Variants in NEGR1 observed in about 807,000 individuals in gnomAD.
The protein encoded by NEGR1 is neuronal growth regulator 1.
In NEGR1, 10 loss-of-function variants were observed where a neutral mutation model predicts 40.9. The observed-to-expected ratio is 0.24, with a 90% CI of 0.15 to 0.42. The LOEUF is 0.42. Ranked by LOEUF, NEGR1 falls within the 10% of genes least tolerant of loss-of-function variation. The pLI is 1.00. For missense variants in NEGR1, 352 were observed against 438.9 expected, an observed-to-expected ratio of 0.80 and a Z score of 1.77; for synonymous variants, 185 against 166.8, an observed-to-expected ratio of 1.11 and a Z score of -0.84.
chr1:72,123,738 CAT>C (rs1277750019), intron 1 of NEGR1, among the ~76,000 whole-genome samples: 6 of 151,934 alleles, frequency 3.9e-5, no homozygotes, highest in African/African-American at 9.6e-5. Flanking sequence ...GATGAGGTAA[CAT>C]ATTATTTTAT....
chr1:71,418,556 G>A (rs1432660802), intron 6 of NEGR1, among the ~76,000 whole-genome samples: 18 of 151,934 alleles, frequency 1.2e-4, no homozygotes, highest in Admixed American at 6.6e-4. Flanking sequence ...AGCTCCTTGG[G>A]TTTACAATCC....
chr1:71,633,465 AG>A (rs373807505), intron 4 of NEGR1, among the ~76,000 whole-genome samples: 34 of 152,064 alleles, frequency 2.2e-4, no homozygotes, highest in African/African-American at 7.7e-4. Flanking sequence ...GAGGAGTTTG[AG>A]TCTAAAAGTG....
rs34844215 is a variant in NEGR1 at position 71,571,787 on chromosome 1, CAAAAAA to C, written c.940+21024_940+21029del. On this transcript the variant is annotated intron_variant, in intron 6 of 6. Transcript: ENST00000357731. The stretch of plus-strand genomic sequence containing the variant: ...TGGGTGACAGAGGGAGCCCCTGTCT[CAAAAAA>C]AAAAAAAAAAAAAAAATCTGAAATT... Among the ~76,000 whole-genome samples the C allele has an allele frequency of 1.1e-4, 12 of 106,512 alleles. No homozygotes were observed. The East Asian group carries it at 1.1e-3, about 10-fold the overall frequency. The allele number at this position is 106,512 out of a possible 152,430, so 69.9% of individuals were successfully genotyped here.
At chr1:72,149,879 CAAAAAAAAA>C (rs1180110033) in intron 1 of NEGR1, among the ~76,000 whole-genome samples, 2 of 39,368 alleles carry the variant, frequency 5.1e-5, no homozygotes, top group South Asian at 2.9e-3. Flanking sequence ...AAAACTCTGT[CAAAAAAAAA>C]AAAAAAAAAA....
chr1:71,574,768 C>A (rs953226768), intron 6 of NEGR1, among the ~76,000 whole-genome samples: 1 of 152,148 alleles, frequency 6.6e-6, no homozygotes, highest in African/African-American at 2.4e-5. Flanking sequence ...TTTCCCTTAG[C>A]CCATACTTAT....
At chr1:72,259,127 C>T (rs943225487) in intron 1 of NEGR1, among the ~76,000 whole-genome samples, 1 of 152,100 alleles carries the variant, frequency 6.6e-6, no homozygotes, top group African/African-American at 2.4e-5. Flanking sequence ...TGTTTTATGA[C>T]CTGGTACTAT....
At chr1:72,234,866 GAC>G (rs1467720883) in intron 1 of NEGR1, among the ~76,000 whole-genome samples, 1 of 152,114 alleles carries the variant, frequency 6.6e-6, no homozygotes, top group African/African-American at 2.4e-5. Flanking sequence ...CATTGTGGAA[GAC>G]AGAGTGGCAA....
At chr1:72,265,549 A>G (rs1344651034) in intron 1 of NEGR1, among the ~76,000 whole-genome samples, 2 of 150,924 alleles carry the variant, frequency 1.3e-5, no homozygotes, top group East Asian at 3.9e-4. Flanking sequence ...AATATATGCA[A>G]TCAATAAACT....
At chr1:72,274,518 A>G in intron 1 of NEGR1, 1 of 672,004 alleles carries the variant, frequency 1.5e-6, no homozygotes, top group East Asian at 2.6e-5. Context: ...AGTTGTCTGT[A>G]TCGGTATCCC....
chr1:71,628,367 T>C (rs895101259), intron 4 of NEGR1, among the ~76,000 whole-genome samples: 1 of 152,060 alleles, frequency 6.6e-6, no homozygotes, highest in African/African-American at 2.4e-5. Context: ...GAATGCATTA[T>C]GTCCATAAAA....
intron 1 of NEGR1, among the ~76,000 whole-genome samples, chr1:72,144,339 C>G (rs1392406055): frequency 6.6e-6 from 1 of 151,674 alleles, no homozygotes; most frequent in African/African-American, 2.4e-5. Context: ...ACATAATTAT[C>G]TAATATTATC....
Position 72,246,016 on chromosome 1 carries a change from A to T in NEGR1, c.176+36303T>A, listed in dbSNP as rs1462812626. ...TTAATACTCTACTAATATTCTTACC[A>T]GTATTTGTCTTCTCTTGAATTTTTT... On this transcript the variant is annotated intron_variant, in intron 1 of 6. Coordinates refer to ENST00000357731, the MANE Select transcript of NEGR1 (RefSeq NM_173808.3). Among the ~76,000 whole-genome samples, 3 of 152,160 alleles carry T rather than the reference A, an allele frequency of 2.0e-5. No homozygotes were observed. The East Asian group carries it at 5.8e-4, about 29-fold the overall frequency.
intron 4 of NEGR1, among the ~76,000 whole-genome samples, chr1:71,658,085 C>T (rs1311301519): frequency 6.6e-6 from 1 of 152,176 alleles, no homozygotes; most frequent in African/African-American, 2.4e-5. Context: ...TTAATTGCCT[C>T]TTGCTCTATG....
intron 3 of NEGR1, among the ~76,000 whole-genome samples, chr1:71,722,471 C>T (rs1213557): frequency 0.49 from 74,740 of 151,734 alleles, 18,751 homozygotes; most frequent in East Asian, 0.78. Context: ...AATGAGCATG[C>T]TTCATATGAT....
At chr1:71,667,562 G>A (rs965051787) in intron 4 of NEGR1, among the ~76,000 whole-genome samples, 6 of 152,164 alleles carry the variant, frequency 3.9e-5, no homozygotes, top group Non-Finnish European at 7.4e-5. Context: ...GGAAAATGTA[G>A]TACAGAGTTT....
At chr1:71,442,226 CTTTTTTT>C (rs35594326) in intron 6 of NEGR1, among the ~76,000 whole-genome samples, 2 of 84,982 alleles carry the variant, frequency 2.4e-5, no homozygotes, top group East Asian at 8.0e-4. Flanking sequence ...GGTAGCATTC[CTTTTTTT>C]TTTTTTTTTT....
chr1:71,413,548 G>A (rs1379717810), intron 6 of NEGR1, among the ~76,000 whole-genome samples: 2 of 151,968 alleles, frequency 1.3e-5, no homozygotes, highest in Non-Finnish European at 2.9e-5. Context: ...CTAGATAATT[G>A]GCCAGTCTCC....
At chr1:72,252,584 T>C (rs1490258009) in intron 1 of NEGR1, among the ~76,000 whole-genome samples, 1 of 152,196 alleles carries the variant, frequency 6.6e-6, no homozygotes, top group Non-Finnish European at 1.5e-5. Flanking sequence ...TTATATTACT[T>C]GAGTGGACTC....
At chr1:72,263,961 G>T (rs1655553419) in intron 1 of NEGR1, among the ~76,000 whole-genome samples, 1 of 151,288 alleles carries the variant, frequency 6.6e-6, no homozygotes, top group South Asian at 2.1e-4. Flanking sequence ...ATATTCACTG[G>T]AAAGAGTAAA....
Sources: allele counts gnomAD v4.1 joint callset (sites outside exome capture counted in the v4.1 genomes callset), GRCh38; gene constraint gnomAD v4.1.1; transcripts MANE v1.5; gene names NCBI Gene and HGNC (gene_info 2026-07-23, HGNC 2026-07-21).